Variants in DENND2A observed in about 807,000 individuals in gnomAD.
DENND2A encodes DENN domain containing 2A.
Under a neutral mutation model 105.3 loss-of-function variants are expected in DENND2A, and 53 were observed. The observed-to-expected ratio is 0.50, with a 90% CI of 0.40 to 0.63. The LOEUF (loss-of-function observed/expected upper bound fraction) is 0.63, where lower values mean the gene tolerates loss of function less well. Ranked by LOEUF, DENND2A falls within the 30% of genes least tolerant of loss-of-function variation. The pLI is 0.00. For missense variants in DENND2A, 1,138 were observed against 1,279.6 expected (o/e 0.89, Z 1.69); for synonymous variants, 522 against 508.4 (o/e 1.03, Z -0.36).
In DENND2A at chr7:140,558,327, A is replaced by G. The variant is rs1310046320; in HGVS notation, c.1890-115T>C. 3 of 718,698 alleles carry G rather than the reference A, an allele frequency of 4.2e-6. No homozygotes were observed. In the African/African-American group the frequency reaches 5.2e-5, roughly 13 times the overall value. The allele number at this position is 718,698 out of a possible 1,614,324, so 44.5% of individuals were successfully genotyped here. ...CATGGGACACACTGCAGGAGGCTGT[A>G]GGAAAGGCCACTCCCTGTCCCACCT... On this transcript the variant is annotated intron_variant, in intron 10 of 19. Coordinates refer to ENST00000496613, the MANE Select transcript of DENND2A (RefSeq NM_015689.5).
Position 140,587,776 on chromosome 7 carries a change from A to T in DENND2A, c.1000T>A (p.Ser334Thr). Residue 334 changes from serine (S) to threonine (T), a missense_variant, in exon 4 of 20, where the codon TCC (serine) becomes ACC (threonine). Transcript: ENST00000496613. ...RQKSSADHRK[S>T]YEFEDLLQSS... is the part of the protein sequence containing the mutation. ...TGCAGTAAATCTTCAAACTCATAGG[A>T]CTTTCTGGAATGTGCCAGATGGGAG... The T allele has an allele frequency of 1.3e-6, 2 of 1,581,624 alleles. No homozygotes were observed. Among genetic ancestry groups the T allele is most frequent in the Non-Finnish European group, 1.7e-6 (2 of 1,158,372 alleles).
At chr7:140,543,008 C>G (rs1001235359) in intron 14 of DENND2A, among the ~76,000 whole-genome samples, 5 of 152,118 alleles carry the variant, frequency 3.3e-5, no homozygotes, top group African/African-American at 9.7e-5. Context: ...AGTGCCCTCC[C>G]TCGGTCTCCA....
rs978557559 is a variant in DENND2A at position 140,588,012 on chromosome 7, G to A, written c.996-232C>T. 2.8e-4 allele frequency among the ~76,000 whole-genome samples: 42 copies of A among 152,192 alleles called. 1 individual carries two copies. Among genetic ancestry groups the A allele is most frequent in the Non-Finnish European group, 2.9e-5 (2 of 68,040 alleles). On this transcript the variant is annotated intron_variant, in intron 3 of 19. Transcript: ENST00000496613. Reference sequence around the variant, plus strand: ...TGCAACCTGCGCTTCCTGGGTTCAAGCAATTCTTCTGCCTCAGCCTCCAGA... The same window carrying A: ...TGCAACCTGCGCTTCCTGGGTTCAAACAATTCTTCTGCCTCAGCCTCCAGA...
chr7:140,553,225 G>A (rs1484937754), intron 12 of DENND2A, among the ~76,000 whole-genome samples: 1 of 152,010 alleles, frequency 6.6e-6, no homozygotes, highest in Non-Finnish European at 1.5e-5. Context: ...GTGGGGAGAG[G>A]GTCAGCAGAC....
chr7:140,633,723 A>AT (rs1470310441), intron 1 of DENND2A, among the ~76,000 whole-genome samples: 6 of 152,264 alleles, frequency 3.9e-5, no homozygotes, highest in Non-Finnish European at 7.4e-5. Context: ...CATCAAGGTT[A>AT]TGGAAACACG....
At chr7:140,565,149 A>G (rs1013512618) in intron 9 of DENND2A, among the ~76,000 whole-genome samples, 6 of 152,092 alleles carry the variant, frequency 3.9e-5, no homozygotes, top group Non-Finnish European at 1.5e-5. Flanking sequence ...CTACAAAAGG[A>G]GGGGAGGCCT....
chr7:140,631,609 G>A (rs1052688866), intron 1 of DENND2A, among the ~76,000 whole-genome samples: 1 of 152,116 alleles, frequency 6.6e-6, no homozygotes, highest in Admixed American at 6.6e-5. Context: ...TAAACAGAGG[G>A]CACTGGTCCC....
chr7:140,620,697 G>C (rs556206973), intron 1 of DENND2A, among the ~76,000 whole-genome samples: 2 of 152,310 alleles, frequency 1.3e-5, no homozygotes, highest in African/African-American at 4.8e-5. Flanking sequence ...CAGCTCAGGT[G>C]AGTTCATCAC....
chr7:140,547,587 G>T (rs959168780), intron 12 of DENND2A, among the ~76,000 whole-genome samples: 2 of 152,130 alleles, frequency 1.3e-5, no homozygotes, highest in Non-Finnish European at 2.9e-5. Context: ...TCCTCAAAAG[G>T]TTAAACATAG....
At chr7:140,583,178 G>A (rs375838222) in intron 5 of DENND2A, among the ~76,000 whole-genome samples, 1 of 151,872 alleles carries the variant, frequency 6.6e-6, no homozygotes, top group African/African-American at 2.4e-5. Context: ...CCAGCTACTC[G>A]GGAGGCTGTA....
intron 1 of DENND2A, among the ~76,000 whole-genome samples, chr7:140,622,712 G>A (rs994068476): frequency 2.0e-5 from 3 of 152,042 alleles, no homozygotes; most frequent in Admixed American, 2.0e-4. Context: ...GGGGGACACT[G>A]AATACTTTTT....
rs769154200 is a variant in DENND2A, at chr7:140,527,459, C to T, written c.2364G>A (p.Leu788=). 9.7e-5 allele frequency: 155 copies of T among 1,605,860 alleles called. 1 individual carries two copies. The South Asian group carries it at 1.5e-3, about 16-fold the overall frequency. Residue 788 remains leucine, a synonymous_variant, in exon 15 of 20, where the codon CTG becomes CTA. Transcript: ENST00000496613. This position sits in a 1 kb window ranked among gnomAD's most constrained non-coding sequence, Gnocchi z 4.9. ...TGTGCTGCCAGGCGAAGGGGTAGAT[C>T]AGCGCCACCATCGCGTGGCAGCACT... is the stretch of plus-strand genomic sequence containing the variant. ...LSKCCHAMVA[L]IYPFAWQHTY...
At chr7:140,528,361 A>G (rs1796137256) in intron 14 of DENND2A, among the ~76,000 whole-genome samples, 1 of 152,212 alleles carries the variant, frequency 6.6e-6, no homozygotes, top group Non-Finnish European at 1.5e-5. Flanking sequence ...CGGGAAAAGG[A>G]CAGAAAACTC....
At chr7:140,568,154 C>T (rs1210796195) in intron 8 of DENND2A, among the ~76,000 whole-genome samples, 1 of 152,082 alleles carries the variant, frequency 6.6e-6, no homozygotes, top group African/African-American at 2.4e-5. Flanking sequence ...GTTGGCCAGG[C>T]TGGTCTTGAA....
chr7:140,591,937 TCCCCTCCC>T (rs1799057904), intron 3 of DENND2A, among the ~76,000 whole-genome samples: 1 of 29,956 alleles, frequency 3.3e-5, no homozygotes, highest in African/African-American at 1.7e-4. Flanking sequence ...TTCCCTCCCC[TCCCCTCCC>T]CCCTCCCTAC....
At chr7:140,545,401 A>C (rs926003849) in intron 13 of DENND2A, among the ~76,000 whole-genome samples, 3 of 152,014 alleles carry the variant, frequency 2.0e-5, no homozygotes, top group Non-Finnish European at 4.4e-5. Context: ...CCCAGGCTGG[A>C]GTGCAGTGGT....
In DENND2A at chr7:140,559,176, A is replaced by G. The variant is rs754213024; in HGVS notation, c.1889+532T>C. ...GGAATTGCCCTGGGGCAGCTCTCTCAGGGCATGGTCTGTACAGGGCAGCCC... is the reference window on the plus strand; with the variant it reads ...GGAATTGCCCTGGGGCAGCTCTCTCGGGGCATGGTCTGTACAGGGCAGCCC... On this transcript the variant is annotated intron_variant, in intron 10 of 19. Transcript: ENST00000496613. The surrounding 1 kb of genome is among the most constrained non-coding windows in gnomAD (Gnocchi z 4.1). Among the ~76,000 whole-genome samples the G allele has an allele frequency of 2.6e-5, 4 of 152,136 alleles. No homozygotes were observed. Among genetic ancestry groups the G allele is most frequent in the Non-Finnish European group, 5.9e-5 (4 of 68,022 alleles).
In DENND2A at chr7:140,523,093, A is replaced by C. The variant is rs1201560984; in HGVS notation, c.2665+214T>G. On this transcript the variant is annotated intron_variant, in intron 17 of 19. Coordinates refer to ENST00000496613, the MANE Select transcript of DENND2A (RefSeq NM_015689.5). This position sits in a 1 kb window ranked among gnomAD's most constrained non-coding sequence, Gnocchi z 4.5. ...CAGATAATTTCCACGCCCCCCTTTT[A>C]AACAGGTACTTTAAGGCCAAAATGG... 6.6e-6 allele frequency among the ~76,000 whole-genome samples: 1 copy of C among 152,064 alleles called. No individual in the cohort carries two copies. Among genetic ancestry groups the C allele is most frequent in the Non-Finnish European group, 1.5e-5 (1 of 67,998 alleles).
At chr7:140,563,374 G>A (rs1639948) in intron 9 of DENND2A, among the ~76,000 whole-genome samples, 77,417 of 151,860 alleles carry the variant, frequency 0.51, 21,223 homozygotes, top group East Asian at 0.84. Flanking sequence ...AGCTGCACAC[G>A]GAAATTTCCC....
Sources: gnomAD v4.1 joint callset for allele counts (sites outside exome capture counted in the v4.1 genomes callset) on GRCh38, gnomAD v4.1.1 for gene constraint, Gnocchi (gnomAD v3.1) non-coding constraint, MANE v1.5 for transcripts, NCBI Gene and HGNC (gene_info 2026-07-23, HGNC 2026-07-21) for gene names.